GSDME: variants seen among roughly 807,000 people sequenced by gnomAD.
The protein encoded by GSDME is gasdermin-E.
Under a neutral mutation model 47.5 loss-of-function variants are expected in GSDME, and 44 were observed. The observed-to-expected ratio is 0.93, with a 90% CI of 0.73 to 1.19. The LOEUF (loss-of-function observed/expected upper bound fraction) is 1.19. Among genes scored for constraint, GSDME ranks in the 50% most tolerant of loss-of-function variants. The pLI, the probability that GSDME is intolerant of heterozygous loss-of-function variation, is 0.00. For missense variants in GSDME, 663 were observed against 604.2 expected, an observed-to-expected ratio of 1.10 and a Z score of -1.02; for synonymous variants, 258 against 252.8, an observed-to-expected ratio of 1.02 and a Z score of -0.20.
chr7:24,706,727 C>T (rs767386375), intron 7 of GSDME, among the ~76,000 whole-genome samples: 1 of 152,200 alleles, frequency 6.6e-6, no homozygotes, highest in African/African-American at 2.4e-5. Flanking sequence ...GGTTCTCATG[C>T]GTTAAGCTAG....
Position 24,716,275 on chromosome 7 carries a change from C to CAA in GSDME, c.697+977_697+978dup, listed in dbSNP as rs1245293726. Among the ~76,000 whole-genome samples, 1 of 152,342 alleles carries CAA rather than the reference C, an allele frequency of 6.6e-6. No individual in the cohort carries two copies. The highest frequency in any genetic ancestry group is 1.9e-4 in the East Asian group (1 of 5,188). ...GCTTCAGCCACTGTCCCCTCTCAGCCAAGCCTCCTTCCCTCGGCAGCTGCC... is the reference window on the plus strand; with the variant it reads ...GCTTCAGCCACTGTCCCCTCTCAGCCAAAAGCCTCCTTCCCTCGGCAGCTGCC... On this transcript the variant is annotated intron_variant, in intron 5 of 9. Coordinates refer to ENST00000645220, the MANE Select transcript of GSDME (RefSeq NM_001127453.2). The surrounding 1 kb of genome is among the most constrained non-coding windows in gnomAD (Gnocchi z 4.5).
chr7:24,702,721 T>A, intron 9 of GSDME, 39 bp downstream of exon 9: 2 of 1,568,478 alleles, frequency 1.3e-6, no homozygotes, highest in Non-Finnish European at 1.8e-6. Flanking sequence ...ATTTCCCCAT[T>A]CCTATCCATT....
At chr7:24,740,971 G>A (rs978852403) in intron 3 of GSDME, among the ~76,000 whole-genome samples, 5 of 152,116 alleles carry the variant, frequency 3.3e-5, no homozygotes, top group Middle Eastern at 3.2e-3. Flanking sequence ...CCGGGACCGC[G>A]GCCCAGAACT....
At chr7:24,750,783 A>C (rs1334720279) in intron 1 of GSDME, among the ~76,000 whole-genome samples, 1 of 152,246 alleles carries the variant, frequency 6.6e-6, no homozygotes. Context: ...TTTAACCCAG[A>C]AAATAAAGGC....
chr7:24,767,179 C>T, the GSDME span, among the ~76,000 whole-genome samples: 1 of 152,060 alleles, frequency 6.6e-6, no homozygotes, highest in Non-Finnish European at 1.5e-5. This position sits in a 1 kb window ranked among gnomAD's most constrained non-coding sequence, Gnocchi z 5.3. Context: ...CAAAAATTAG[C>T]CAGGCGTGGT....
intron 9 of GSDME, among the ~76,000 whole-genome samples, chr7:24,702,224 C>T (rs372467449): frequency 2.0e-5 from 3 of 152,212 alleles, no homozygotes; most frequent in Admixed American, 6.5e-5. Context: ...AATCTTGACT[C>T]TCTAGGGCTA....
chr7:24,706,010 G>A (rs987888908), intron 8 of GSDME, 174 bp downstream of exon 8: 14 of 701,122 alleles, frequency 2.0e-5, no homozygotes, highest in South Asian at 6.8e-5. Flanking sequence ...ACTCGAGACC[G>A]AAGGGGGGTT....
At chr7:24,741,693 C>T (rs908519912) in intron 3 of GSDME, among the ~76,000 whole-genome samples, 9 of 152,256 alleles carry the variant, frequency 5.9e-5, no homozygotes, top group Non-Finnish European at 1.2e-4. Context: ...AATGTACAGT[C>T]CTTAAGCATC....
Position 24,714,751 on chromosome 7 carries a change from T to C in GSDME, c.697+2503A>G, listed in dbSNP as rs2128051867. On this transcript the variant is annotated intron_variant, in intron 5 of 9. Transcript: ENST00000645220. The surrounding 1 kb of genome is among the most constrained non-coding windows in gnomAD (Gnocchi z 5.0). ...GAAAGAGAGGCTACCTCCACAGAGC[T>C]GCGTCAGGGCAGGGTCTGGTCACCT... is the stretch of plus-strand genomic sequence containing the variant. Among the ~76,000 whole-genome samples the C allele has an allele frequency of 6.6e-6, 1 of 152,288 alleles. No homozygotes were observed. Among genetic ancestry groups the C allele is most frequent in the African/African-American group, 2.4e-5 (1 of 41,574 alleles).
At chr7:24,777,007 T>C in the GSDME span, among the ~76,000 whole-genome samples, 1 of 151,974 alleles carries the variant, frequency 6.6e-6, no homozygotes, top group East Asian at 1.9e-4. Flanking sequence ...CTATAAATAA[T>C]ATAATTGTTA....
the GSDME span, among the ~76,000 whole-genome samples, chr7:24,766,201 G>GTT: frequency 6.7e-6 from 1 of 148,662 alleles, no homozygotes; most frequent in African/African-American, 2.4e-5. The surrounding 1 kb of genome is among the most constrained non-coding windows in gnomAD (Gnocchi z 4.2). Flanking sequence ...GTGTGTGTGT[G>GTT]TGTGTGTGTG....
intron 2 of GSDME, among the ~76,000 whole-genome samples, chr7:24,747,636 A>G (rs6964488): frequency 0.011 from 1,654 of 152,336 alleles, 32 homozygotes; most frequent in African/African-American, 0.037. Flanking sequence ...AAAAATGCAC[A>G]TAAAAATGCT....
chr7:24,759,991 C>T (rs762920859), upstream of GSDME, among the ~76,000 whole-genome samples: 2 of 152,082 alleles, frequency 1.3e-5, no homozygotes, highest in African/African-American at 2.4e-5. Context: ...AAAAAGAAAA[C>T]GTGGAACTCC....
the GSDME span, among the ~76,000 whole-genome samples, chr7:24,787,473 G>A: frequency 6.6e-6 from 1 of 152,108 alleles, no homozygotes; most frequent in Non-Finnish European, 1.5e-5. The surrounding 1 kb of genome is among the most constrained non-coding windows in gnomAD (Gnocchi z 5.0). Context: ...ACTACCTGCC[G>A]GGACTTGGTG....
chr7:24,739,388 T>C lies in GSDME; in HGVS notation c.404+5174A>G, dbSNP rs1417931321. On this transcript the variant is annotated intron_variant, in intron 3 of 9. Coordinates refer to ENST00000645220, the MANE Select transcript of GSDME (RefSeq NM_001127453.2). The surrounding 1 kb of genome is among the most constrained non-coding windows in gnomAD (Gnocchi z 5.1). ...GCATATGAAAATGTGCTCAACATCATTGATCATCAGGGAAATGCAAATCAA... is the reference window on the plus strand; with the variant it reads ...GCATATGAAAATGTGCTCAACATCACTGATCATCAGGGAAATGCAAATCAA... Among the ~76,000 whole-genome samples, 12 of 152,108 alleles carry C rather than the reference T, an allele frequency of 7.9e-5. No individual in the cohort carries two copies. The highest frequency in any genetic ancestry group is 4.1e-4 in the South Asian group (2 of 4,830).
rs764728355 is a variant in GSDME at position 24,721,546 on chromosome 7, A to T, written c.405-2328T>A. The stretch of plus-strand genomic sequence containing the variant: ...CTGTTGGTAACAGGGCCCCCTCCTC[A>T]TGGGGTTCCGTCAGGGTTTAGATGA... On this transcript the variant is annotated intron_variant, in intron 3 of 9. Transcript: ENST00000645220. This position sits in a 1 kb window ranked among gnomAD's most constrained non-coding sequence, Gnocchi z 4.1. Among the ~76,000 whole-genome samples, 1 of 152,150 alleles carries T rather than the reference A, an allele frequency of 6.6e-6. No individual in the cohort carries two copies. Among genetic ancestry groups the T allele is most frequent in the African/African-American group, 2.4e-5 (1 of 41,424 alleles).
intron 3 of GSDME, among the ~76,000 whole-genome samples, chr7:24,720,029 A>C (rs2237310): frequency 0.16 from 24,629 of 152,190 alleles, 2,400 homozygotes; most frequent in East Asian, 0.46. Flanking sequence ...TTGAACTAAG[A>C]GGAAACTTCT....
At chr7:24,793,617 AAC>A in the GSDME span, among the ~76,000 whole-genome samples, 2 of 152,162 alleles carry the variant, frequency 1.3e-5, no homozygotes, top group African/African-American at 4.8e-5. Flanking sequence ...CCTTTTTTAT[AAC>A]ACACATTTTT....
chr7:24,703,215 T>C (rs566060375), intron 8 of GSDME: 5 of 341,518 alleles, frequency 1.5e-5, no homozygotes, highest in South Asian at 9.6e-5. Context: ...CAGGTACACC[T>C]CTCTCAGCCT....
Sources: gnomAD v4.1 joint callset for allele counts (sites outside exome capture counted in the v4.1 genomes callset) on GRCh38, gnomAD v4.1.1 for gene constraint, Gnocchi (gnomAD v3.1) non-coding constraint, MANE v1.5 for transcripts, NCBI Gene and HGNC (gene_info 2026-07-23, HGNC 2026-07-21) for gene names.